Variants in TBL1XR1 observed in about 807,000 individuals in gnomAD.
TBL1XR1 encodes the protein F-box-like/WD repeat-containing protein TBL1XR1.
TBL1XR1 carries 5 observed loss-of-function variants against 66.9 expected under a neutral mutation model. That is an observed-to-expected ratio of 0.07 (90% CI 0.04 to 0.16). The LOEUF is 0.16. Among genes scored for constraint, TBL1XR1 ranks in the 10% least tolerant of loss-of-function variants. The probability of loss-of-function intolerance (pLI) is 1.00; values close to 1 mark genes in which losing one functional copy is unlikely to be tolerated. For synonymous variants in TBL1XR1, 210 were observed against 206.0 expected (o/e 1.02, Z -0.17); for missense variants, 238 against 623.2 (o/e 0.38, Z 6.58).
rs182325283 is a variant in TBL1XR1 at position 177,051,762 on chromosome 3, A to G, written c.205-36T>C. On this transcript the variant is annotated intron_variant, in intron 4 of 15. Coordinates refer to ENST00000457928, the MANE Select transcript of TBL1XR1 (RefSeq NM_024665.7). ...AAAATTGTGAGAGAAGAAAAATCAA[A>G]GGCAATATTTAAAGTTATTTGTATT... is the stretch of plus-strand genomic sequence containing the variant. 8 of 1,489,188 alleles carry G rather than the reference A, an allele frequency of 5.4e-6. No homozygotes were observed. In the African/African-American group the frequency reaches 9.9e-5, roughly 18 times the overall value. The allele number at this position is 1,489,188 out of a possible 1,614,324, so 92.2% of individuals were successfully genotyped here. A position where few individuals can be genotyped will look rare whatever the true frequency, so the allele number is the denominator to read the frequency against.
upstream of TBL1XR1, among the ~76,000 whole-genome samples, chr3:177,199,540 A>G (rs1332019986): frequency 6.6e-6 from 1 of 152,058 alleles, no homozygotes; most frequent in African/African-American, 2.4e-5. Flanking sequence ...TCCTCTCCAT[A>G]CAGCAGTGAC....
intron 1 of TBL1XR1, among the ~76,000 whole-genome samples, chr3:177,144,341 T>A (rs1729985261): frequency 6.6e-6 from 1 of 152,128 alleles, no homozygotes. Flanking sequence ...CATTAAAGAA[T>A]CGTTCTCCAT....
chr3:177,170,521 T>C (rs1402910872), intron 1 of TBL1XR1, among the ~76,000 whole-genome samples: 2 of 152,186 alleles, frequency 1.3e-5, no homozygotes, highest in African/African-American at 4.8e-5. Flanking sequence ...CTGGCTCTTA[T>C]TTCCTGTTGA....
intron 2 of TBL1XR1, among the ~76,000 whole-genome samples, chr3:177,090,468 C>T (rs938197286): frequency 1.3e-5 from 2 of 149,230 alleles, no homozygotes; most frequent in African/African-American, 5.0e-5. Flanking sequence ...GTGCTTGAGC[C>T]CAGGAGTTCA....
In TBL1XR1 at chr3:177,155,115, A is replaced by G. The variant is rs73039687; in HGVS notation, c.-122+42006T>C. On this transcript the variant is annotated intron_variant, in intron 1 of 15. Transcript: ENST00000457928. ...AAAAATAGTAAAATGCAGCTAAAGC[A>G]ACACCTTAAGGGCACTATTTCACAA... Among the ~76,000 whole-genome samples the G allele has an allele frequency of 9.0e-3, 1,373 of 152,366 alleles. 22 individuals carry two copies. Among genetic ancestry groups the G allele is most frequent in the African/African-American group, 0.032 (1,318 of 41,586 alleles).
intron 1 of TBL1XR1, among the ~76,000 whole-genome samples, chr3:177,189,394 G>A (rs1433882867): frequency 6.6e-6 from 1 of 151,868 alleles, no homozygotes; most frequent in African/African-American, 2.4e-5. Flanking sequence ...GTACACGCCT[G>A]TTAGTCCCAG....
intron 10 of TBL1XR1, among the ~76,000 whole-genome samples, chr3:177,041,581 G>A (rs1415552311): frequency 6.6e-6 from 1 of 152,166 alleles, no homozygotes; most frequent in Non-Finnish European, 1.5e-5. Context: ...AAAAATATGT[G>A]CCAACTTTAT....
intron 3 of TBL1XR1, among the ~76,000 whole-genome samples, chr3:177,060,310 G>A (rs6768711): frequency 0.26 from 39,458 of 151,830 alleles, 5,618 homozygotes; most frequent in East Asian, 0.5. Flanking sequence ...ATGCAACATC[G>A]GTTATTTTTA....
chr3:177,186,277 G>A (rs143615405), intron 1 of TBL1XR1, among the ~76,000 whole-genome samples: 6 of 152,170 alleles, frequency 3.9e-5, no homozygotes, highest in African/African-American at 1.4e-4. Flanking sequence ...ATTTTACTAG[G>A]GGAAAAATCT....
At chr3:177,054,401 T>C (rs1171220065) in intron 3 of TBL1XR1, among the ~76,000 whole-genome samples, 2 of 152,176 alleles carry the variant, frequency 1.3e-5, no homozygotes, top group East Asian at 1.9e-4. Context: ...CCAGTTCAAG[T>C]ATTCAGCATC....
chr3:177,071,969 GGAGAA>G (rs941282237), intron 2 of TBL1XR1, among the ~76,000 whole-genome samples: 3 of 152,132 alleles, frequency 2.0e-5, no homozygotes, highest in Admixed American at 6.5e-5. Context: ...CATGGGCTGG[GGAGAA>G]GAGAAGTACA....
intron 1 of TBL1XR1, among the ~76,000 whole-genome samples, chr3:177,181,475 G>A (rs539390066): frequency 1.5e-4 from 15 of 100,730 alleles, no homozygotes; most frequent in African/African-American, 4.9e-4. Flanking sequence ...GCCAGACTCC[G>A]TCTTAAAAAA....
intron 1 of TBL1XR1, among the ~76,000 whole-genome samples, chr3:177,160,546 G>GA (rs1187171517): frequency 1.1e-4 from 16 of 151,610 alleles, no homozygotes; most frequent in Admixed American, 9.9e-4. Flanking sequence ...AATCTTCACT[G>GA]AGTCCATAGT....
At chr3:177,069,732 C>A (rs970409435) in intron 2 of TBL1XR1, among the ~76,000 whole-genome samples, 12 of 140,746 alleles carry the variant, frequency 8.5e-5, no homozygotes, top group African/African-American at 3.2e-4. Flanking sequence ...GAGGAAAACT[C>A]TGACGAAAGA....
rs1446674719 is a variant in TBL1XR1, at chr3:177,033,020, T to C, written c.1367A>G (p.Tyr456Cys). ...YSVAFSPDGRYLASGSFDKCV... is the reference protein window; with the variant it reads ...YSVAFSPDGRCLASGSFDKCV... ...TTTGTCAAAAGAACCACTTGCCAGATACCTGCCATCAGGACTGAAAGCTAC... is the reference window on the plus strand; with the variant it reads ...TTTGTCAAAAGAACCACTTGCCAGACACCTGCCATCAGGACTGAAAGCTAC... Residue 456 changes from tyrosine (Y) to cysteine (C), a missense_variant, in exon 14 of 16, where the codon TAT (tyrosine) becomes TGT (cysteine). Tyr to Cys is a radical substitution (Grantham distance 194). Transcript: ENST00000457928. 3 of 1,607,672 alleles carry C rather than the reference T, an allele frequency of 1.9e-6. No individual in the cohort carries two copies. Among genetic ancestry groups the C allele is most frequent in the Non-Finnish European group, 2.6e-6 (3 of 1,176,290 alleles).
chr3:177,035,478 A>C (rs1714649865), intron 12 of TBL1XR1, among the ~76,000 whole-genome samples: 1 of 147,196 alleles, frequency 6.8e-6, no homozygotes, highest in Admixed American at 6.9e-5. Flanking sequence ...GCAGCACCAC[A>C]ATCTTGGCTC....
chr3:177,139,647 CA>C (rs1328168495), intron 1 of TBL1XR1, among the ~76,000 whole-genome samples: 1 of 133,050 alleles, frequency 7.5e-6, no homozygotes, highest in Non-Finnish European at 1.6e-5. Flanking sequence ...GAAAGTAAAG[CA>C]AAAAAACCCA....
At chr3:177,027,591 G>C (rs181059188) in intron 14 of TBL1XR1, 1 of 150,882 alleles carries the variant, frequency 6.6e-6, no homozygotes, top group Admixed American at 6.7e-5. Context: ...GTAACCTAAA[G>C]TCAAGCTAGA....
At chr3:177,105,583 C>T (rs762749217) in intron 1 of TBL1XR1, among the ~76,000 whole-genome samples, 1 of 152,212 alleles carries the variant, frequency 6.6e-6, no homozygotes, top group Non-Finnish European at 1.5e-5. Flanking sequence ...CTACAACACA[C>T]AAATCATTCA....
Sources: allele counts gnomAD v4.1 joint callset (sites outside exome capture counted in the v4.1 genomes callset), GRCh38; gene constraint gnomAD v4.1.1; transcripts MANE v1.5; gene names NCBI Gene and HGNC (gene_info 2026-07-23, HGNC 2026-07-21).